Variants in FHIT observed in about 807,000 individuals in gnomAD.
The protein encoded by FHIT is bis(5'-adenosyl)-triphosphatase.
Under a neutral mutation model 17.9 loss-of-function variants are expected in FHIT, and 19 were observed. That is an observed-to-expected ratio of 1.06 (90% CI 0.74 to 1.56). The LOEUF (loss-of-function observed/expected upper bound fraction) is 1.56, where lower values mean the gene tolerates loss of function less well. Ranked by LOEUF, FHIT falls within the 40% of genes most tolerant of loss-of-function variation. The pLI is 0.00. For synonymous variants in FHIT, 81 were observed against 69.7 expected (o/e 1.16, Z -0.81); for missense variants, 248 against 189.2 (o/e 1.31, Z -1.82).
chr3:60,284,203 T>C (rs922097944), intron 5 of FHIT, among the ~76,000 whole-genome samples: 4 of 152,100 alleles, frequency 2.6e-5, no homozygotes, highest in African/African-American at 9.7e-5. Context: ...CCTTCATGAA[T>C]GAAACACTTA....
intron 5 of FHIT, among the ~76,000 whole-genome samples, chr3:60,182,014 T>C (rs1328598300): frequency 1.3e-5 from 2 of 152,186 alleles, no homozygotes; most frequent in Non-Finnish European, 2.9e-5. Context: ...TTTAATTATA[T>C]GCTAAGTAAG....
At chr3:60,348,954 T>C (rs1710936596) in intron 5 of FHIT, among the ~76,000 whole-genome samples, 1 of 152,196 alleles carries the variant, frequency 6.6e-6, no homozygotes, top group African/African-American at 2.4e-5. Flanking sequence ...TGATTGAACT[T>C]AGCCAACCTC....
Position 60,924,846 on chromosome 3 carries a change from A to G in FHIT, c.-110-102835T>C, listed in dbSNP as rs140711910. ...GACGAATGGCTAACTAGAATAACCA[A>G]TGCAGAGAAGTCCTTAAAGGACCTG... On this transcript the variant is annotated intron_variant, in intron 3 of 9. Transcript: ENST00000492590. Among the ~76,000 whole-genome samples the G allele has an allele frequency of 7.9e-4, 120 of 152,264 alleles. 4 individuals carry two copies. The East Asian group carries it at 0.021, about 26-fold the overall frequency.
intron 5 of FHIT, among the ~76,000 whole-genome samples, chr3:60,247,969 C>G (rs183592057): frequency 1.1e-3 from 173 of 152,126 alleles, no homozygotes; most frequent in African/African-American, 4.0e-3. Context: ...GCACATGGAG[C>G]CTTCGAGGAG....
intron 4 of FHIT, among the ~76,000 whole-genome samples, chr3:60,737,437 C>A (rs2108001356): frequency 6.6e-6 from 1 of 152,334 alleles, no homozygotes. Flanking sequence ...GGCCACTGTT[C>A]AAATTCCGTT....
intron 3 of FHIT, among the ~76,000 whole-genome samples, chr3:60,945,415 T>TAC (rs35166009): frequency 0.51 from 76,818 of 151,724 alleles, 20,344 homozygotes; most frequent in East Asian, 0.66. Flanking sequence ...TTTGCTTTGA[T>TAC]AGAGTCTCGC....
chr3:60,530,754 T>C (rs1028747650), intron 5 of FHIT, among the ~76,000 whole-genome samples: 9 of 152,214 alleles, frequency 5.9e-5, no homozygotes, highest in Admixed American at 5.2e-4. Context: ...AAGTTTGTCT[T>C]ACAATGGGAG....
chr3:60,852,721 T>C (rs568811763), intron 3 of FHIT, among the ~76,000 whole-genome samples: 1 of 151,858 alleles, frequency 6.6e-6, no homozygotes, highest in Non-Finnish European at 1.5e-5. Context: ...TATAAGGCAG[T>C]CTTGAAAAAA....
intron 5 of FHIT, among the ~76,000 whole-genome samples, chr3:60,393,115 C>T (rs1701296330): frequency 6.6e-6 from 1 of 151,900 alleles, no homozygotes; most frequent in South Asian, 2.1e-4. Context: ...TTTTCATTTC[C>T]TAATTTTAAA....
intron 3 of FHIT, among the ~76,000 whole-genome samples, chr3:60,937,273 T>G (rs1180218862): frequency 6.6e-6 from 1 of 152,186 alleles, no homozygotes. Context: ...GATCTTTGAT[T>G]TGGGGCTGTA....
chr3:59,756,878 T>C (rs1252920373), intron 8 of FHIT, among the ~76,000 whole-genome samples: 2 of 152,180 alleles, frequency 1.3e-5, no homozygotes, highest in Admixed American at 6.5e-5. Flanking sequence ...AGTTCTAAGG[T>C]GCACATTTTT....
chr3:59,879,367 G>A (rs574679540), intron 8 of FHIT, among the ~76,000 whole-genome samples: 2 of 152,178 alleles, frequency 1.3e-5, no homozygotes, highest in South Asian at 2.1e-4. Context: ...CTTCCCCAAC[G>A]TTCACTAACT....
rs933560989 is a variant in FHIT, at chr3:60,551,869, T to C, written c.-17-14890A>G. 7.2e-5 allele frequency among the ~76,000 whole-genome samples: 11 copies of C among 151,898 alleles called. 1 individual carries two copies. On this transcript the variant is annotated intron_variant, in intron 4 of 9. Transcript: ENST00000492590. ...AATTCATATACCATAAAATTCACCC[T>C]TCTAGTGTACAGTTTGATGGTTTTC...
rs575783411 is a variant in FHIT, at chr3:60,751,943, T to A, written c.-18+69976A>T. On this transcript the variant is annotated intron_variant, in intron 4 of 9. Transcript: ENST00000492590. ...ATAGAATACTATGCAGTCTTTTAAGTGGAAGATGTAGATGTATATTTATCA... is the reference window on the plus strand; with the variant it reads ...ATAGAATACTATGCAGTCTTTTAAGAGGAAGATGTAGATGTATATTTATCA... Among the ~76,000 whole-genome samples, 3 of 152,250 alleles carry A rather than the reference T, an allele frequency of 2.0e-5. No individual in the cohort carries two copies. In the South Asian group the frequency reaches 6.2e-4, roughly 32 times the overall value.
intron 8 of FHIT, among the ~76,000 whole-genome samples, chr3:59,908,617 G>A (rs916229297): frequency 2.0e-5 from 3 of 151,902 alleles, no homozygotes; most frequent in Admixed American, 6.6e-5. Context: ...CAACAGCCAA[G>A]GACAACAGAA....
Position 61,201,265 on chromosome 3 carries a change from T to C in FHIT, c.-212-600A>G, listed in dbSNP as rs558426386. ...CCACAACTTGACATTTCAAATCAAA[T>C]CTTGTTAACTTCAGCTCTCTGTGAT... is the stretch of plus-strand genomic sequence containing the variant. On this transcript the variant is annotated intron_variant, in intron 1 of 9. Transcript: ENST00000492590. Among the ~76,000 whole-genome samples the C allele has an allele frequency of 3.3e-4, 50 of 152,328 alleles. 1 individual carries two copies. The highest frequency in any genetic ancestry group is 1.2e-3 in the African/African-American group (48 of 41,572).
chr3:59,986,746 T>TTATATAAATATATACATATATTTA (rs1559524440), intron 7 of FHIT, among the ~76,000 whole-genome samples: 4 of 426 alleles, frequency 9.4e-3, no homozygotes, highest in African/African-American at 0.056. Flanking sequence ...ATACATATAT[T>TTATATAAATATATACATATATTTA]TATATATATA....
rs531869858 is a variant in FHIT, at chr3:59,828,728, G to C, written c.349-76407C>G. The stretch of plus-strand genomic sequence containing the variant: ...TCTTTGGTTAAGGCAGACTTAACGG[G>C]AAAATCTCTTTCCAATATGATATGT... On this transcript the variant is annotated intron_variant, in intron 8 of 9. Coordinates refer to ENST00000492590, the MANE Select transcript of FHIT (RefSeq NM_002012.4). 4.9e-3 allele frequency among the ~76,000 whole-genome samples: 751 copies of C among 152,236 alleles called. 6 individuals are homozygous for C. The highest frequency in any genetic ancestry group is 0.02 in the Middle Eastern group (6 of 294).
intron 4 of FHIT, among the ~76,000 whole-genome samples, chr3:60,628,186 T>C (rs1009681323): frequency 2.6e-5 from 4 of 152,220 alleles, no homozygotes; most frequent in Non-Finnish European, 5.9e-5. Context: ...CTCATTTTCA[T>C]TGTGATTTTT....
Sources: gnomAD v4.1 joint callset for allele counts (sites outside exome capture counted in the v4.1 genomes callset) on GRCh38, gnomAD v4.1.1 for gene constraint, MANE v1.5 for transcripts, NCBI Gene and HGNC (gene_info 2026-07-23, HGNC 2026-07-21) for gene names.